EMCN: variants seen among roughly 807,000 people sequenced by gnomAD.
EMCN encodes MUC-14.
In EMCN, 37 loss-of-function variants were observed where a neutral mutation model predicts 38.4. That is an observed-to-expected ratio of 0.96 (90% confidence interval 0.74 to 1.27). The LOEUF is 1.27. Among genes scored for constraint, EMCN ranks in the 50% most tolerant of loss-of-function variants. The pLI is 0.00. For missense variants in EMCN, 318 were observed against 302.8 expected, an observed-to-expected ratio of 1.05 and a Z score of -0.37; for synonymous variants, 95 against 100.8, an observed-to-expected ratio of 0.94 and a Z score of 0.35.
At chr4:100,436,711 T>C (rs1379964425) in intron 5 of EMCN, among the ~76,000 whole-genome samples, 1 of 152,142 alleles carries the variant, frequency 6.6e-6, no homozygotes, top group Non-Finnish European at 1.5e-5. Context: ...GTCCTTTGTC[T>C]GGACATGGAT....
intron 10 of EMCN, among the ~76,000 whole-genome samples, chr4:100,413,385 T>G (rs533748093): frequency 6.6e-6 from 1 of 152,150 alleles, no homozygotes; most frequent in Non-Finnish European, 1.5e-5. Context: ...TTTCTACTTA[T>G]TTTTTAGGAA....
chr4:100,396,933 CCTTT>C lies in EMCN; in HGVS notation c.*1476_*1479del, dbSNP rs1412195828. The stretch of plus-strand genomic sequence containing the variant: ...GCCTTCTTCTCTCCTCTCTTCCTTT[CCTTT>C]CTTTCTTTTTTTTTTTTCTACTTCC... On this transcript the variant is annotated 3_prime_UTR_variant, in exon 12 of 12. Transcript: ENST00000296420. The C allele has an allele frequency of 7.0e-6, 1 of 143,336 alleles. No individual in the cohort carries two copies. 8.9% of individuals were successfully genotyped at this position (143,336 alleles called of 1,614,324 possible).
At chr4:100,479,059 C>G (rs1220049752) in intron 2 of EMCN, among the ~76,000 whole-genome samples, 1 of 152,090 alleles carries the variant, frequency 6.6e-6, no homozygotes, top group Non-Finnish European at 1.5e-5. Flanking sequence ...GAATCACCAC[C>G]CTATTCAAGC....
intron 1 of EMCN, among the ~76,000 whole-genome samples, chr4:100,496,937 C>T (rs987907225): frequency 1.3e-5 from 2 of 151,994 alleles, no homozygotes; most frequent in African/African-American, 4.8e-5. Flanking sequence ...CATATGATAG[C>T]TTCTCCATAT....
At chr4:100,427,090 G>C (rs1181108313) in intron 5 of EMCN, among the ~76,000 whole-genome samples, 1 of 151,808 alleles carries the variant, frequency 6.6e-6, no homozygotes, top group Non-Finnish European at 1.5e-5. Context: ...ATTGTAATTT[G>C]ATAGATTATT....
At chr4:100,435,843 G>A (rs572333570) in intron 5 of EMCN, among the ~76,000 whole-genome samples, 4 of 152,130 alleles carry the variant, frequency 2.6e-5, no homozygotes, top group Non-Finnish European at 4.4e-5. Flanking sequence ...AATTGAAACT[G>A]GACCCCTTCC....
chr4:100,434,008 C>A (rs1372593767), intron 5 of EMCN, among the ~76,000 whole-genome samples: 1 of 151,824 alleles, frequency 6.6e-6, no homozygotes, highest in African/African-American at 2.4e-5. Flanking sequence ...TGGCAGAAGA[C>A]AAGAAATAAC....
At chr4:100,400,363 T>G (rs1044222349) in intron 11 of EMCN, among the ~76,000 whole-genome samples, 1 of 151,646 alleles carries the variant, frequency 6.6e-6, no homozygotes, top group Non-Finnish European at 1.5e-5. Flanking sequence ...ATTTTTTTTT[T>G]TTGTTTTTTG....
intron 1 of EMCN, among the ~76,000 whole-genome samples, chr4:100,514,674 T>C (rs1560649020): frequency 6.6e-6 from 1 of 152,086 alleles, no homozygotes; most frequent in African/African-American, 2.4e-5. Context: ...TATGCCCAAA[T>C]TGTGACCTCT....
chr4:100,501,010 T>G (rs138395878), intron 1 of EMCN, among the ~76,000 whole-genome samples: 162 of 152,242 alleles, frequency 1.1e-3, no homozygotes, highest in African/African-American at 3.8e-3. Flanking sequence ...TTTCTCCCAT[T>G]TTGTGGCTGT....
intron 5 of EMCN, among the ~76,000 whole-genome samples, chr4:100,442,409 T>C (rs1727547678): frequency 6.6e-6 from 1 of 152,214 alleles, no homozygotes; most frequent in Non-Finnish European, 1.5e-5. Context: ...CTTTGAGCTT[T>C]ATGAATCCAA....
chr4:100,407,669 A>G (rs1726432280), intron 11 of EMCN, among the ~76,000 whole-genome samples: 1 of 152,000 alleles, frequency 6.6e-6, no homozygotes, highest in South Asian at 2.1e-4. Context: ...TTCTTTTCAC[A>G]TTGACCTTGG....
At chr4:100,440,901 T>C (rs1300076619) in intron 5 of EMCN, among the ~76,000 whole-genome samples, 2 of 151,868 alleles carry the variant, frequency 1.3e-5, no homozygotes, top group East Asian at 1.9e-4. Context: ...CTGGCTAACA[T>C]GGTGAAACCC....
rs150793971 is a variant in EMCN at position 100,512,515 on chromosome 4, C to T, written c.64+5336G>A. 1.2e-4 allele frequency among the ~76,000 whole-genome samples: 19 copies of T among 152,176 alleles called. No homozygotes were observed. The East Asian group carries it at 3.5e-3, about 28-fold the overall frequency. ...CAGGAATTGAAAGTTACTTAAATTCCTATTCTGAGCTGGGCATGGTGGCTC... is the reference window on the plus strand; with the variant it reads ...CAGGAATTGAAAGTTACTTAAATTCTTATTCTGAGCTGGGCATGGTGGCTC... On this transcript the variant is annotated intron_variant, in intron 1 of 11. Coordinates refer to ENST00000296420, the MANE Select transcript of EMCN (RefSeq NM_016242.4).
At chr4:100,451,666 A>G (rs902681914) in intron 4 of EMCN, among the ~76,000 whole-genome samples, 5 of 151,946 alleles carry the variant, frequency 3.3e-5, no homozygotes, top group African/African-American at 1.2e-4. Flanking sequence ...TGAAAGGTGT[A>G]TAGGGTTTGA....
intron 3 of EMCN, among the ~76,000 whole-genome samples, chr4:100,472,553 G>T (rs1017328656): frequency 6.6e-6 from 1 of 152,124 alleles, no homozygotes; most frequent in Admixed American, 6.5e-5. Flanking sequence ...TTGATCTACA[G>T]ATTTAATGCA....
chr4:100,421,235 G>A (rs768298771), intron 8 of EMCN, 47 bp downstream of exon 8: 4 of 1,437,486 alleles, frequency 2.8e-6, no homozygotes, highest in South Asian at 1.2e-5. Flanking sequence ...TTTAAACTGA[G>A]CATTCATTCT....
At chr4:100,418,566 G>C (rs1314142768) in intron 8 of EMCN, among the ~76,000 whole-genome samples, 1 of 151,934 alleles carries the variant, frequency 6.6e-6, no homozygotes. Context: ...GCTTCTGGTA[G>C]CCATCCTTCT....
chr4:100,512,602 C>T (rs564399929), intron 1 of EMCN, among the ~76,000 whole-genome samples: 2 of 151,918 alleles, frequency 1.3e-5, no homozygotes, highest in South Asian at 4.2e-4. Context: ...GTCAGGAGTT[C>T]GCAACCAGTC....
Sources: gnomAD v4.1 joint callset for allele counts (sites outside exome capture counted in the v4.1 genomes callset) on GRCh38, gnomAD v4.1.1 for gene constraint, MANE v1.5 for transcripts, NCBI Gene and HGNC (gene_info 2026-07-23, HGNC 2026-07-21) for gene names.